The following BMPR1B variants were observed in gnomAD, a reference collection of about 807,000 sequenced individuals.
BMPR1B encodes bone morphogenetic protein receptor type-1B.
Under a neutral mutation model 59.1 loss-of-function variants are expected in BMPR1B, and 12 were observed. The ratio of observed to expected loss-of-function variants is 0.20; its 90% CI spans 0.13 to 0.33. The LOEUF is 0.33. BMPR1B is among the 10% of genes least tolerant of loss of function. The probability of loss-of-function intolerance (pLI) is 1.00; values close to 1 mark genes in which losing one functional copy is unlikely to be tolerated. For missense variants in BMPR1B, 550 were observed against 610.9 expected (o/e 0.90, Z 1.05); for synonymous variants, 237 against 207.3 (o/e 1.14, Z -1.23).
intron 2 of BMPR1B, among the ~76,000 whole-genome samples, chr4:94,940,134 A>G (rs1269942913): frequency 6.6e-6 from 1 of 152,192 alleles, no homozygotes; most frequent in Non-Finnish European, 1.5e-5. Flanking sequence ...ATACAGTTAG[A>G]GTTTGGGTGT....
chr4:94,878,453 G>A (rs1289804270), intron 2 of BMPR1B, among the ~76,000 whole-genome samples: 2 of 152,144 alleles, frequency 1.3e-5, no homozygotes, highest in Non-Finnish European at 2.9e-5. Context: ...AAGTGAATTG[G>A]TCATTTCAAA....
At chr4:95,018,246 T>C (rs1172668191) in intron 3 of BMPR1B, among the ~76,000 whole-genome samples, 2 of 152,242 alleles carry the variant, frequency 1.3e-5, no homozygotes, top group Non-Finnish European at 2.9e-5. Flanking sequence ...GAAGTAATTT[T>C]AGGTATCCAG....
At chr4:94,860,826 T>A (rs184872342) in intron 1 of BMPR1B, among the ~76,000 whole-genome samples, 9,331 of 150,412 alleles carry the variant, frequency 0.062, 708 homozygotes, top group African/African-American at 0.19. Flanking sequence ...ATGTCTTTTA[T>A]ATGTTGGCTT....
At chr4:95,146,117 C>T (rs1734623974) in intron 10 of BMPR1B, among the ~76,000 whole-genome samples, 1 of 152,142 alleles carries the variant, frequency 6.6e-6, no homozygotes. Flanking sequence ...AGTTGATAGT[C>T]TTCAGTTGGA....
chr4:95,049,455 T>A (rs1202044160), intron 3 of BMPR1B, among the ~76,000 whole-genome samples: 1 of 59,002 alleles, frequency 1.7e-5, no homozygotes, highest in Non-Finnish European at 4.0e-5. Context: ...TTTTTTTTTT[T>A]TTTTTTTTTT....
chr4:94,913,633 T>A (rs911076950), intron 2 of BMPR1B, among the ~76,000 whole-genome samples: 3 of 151,726 alleles, frequency 2.0e-5, no homozygotes, highest in Admixed American at 2.0e-4. Context: ...TGCTTATTCT[T>A]ACTAATTAAT....
intron 3 of BMPR1B, among the ~76,000 whole-genome samples, chr4:95,009,419 A>T (rs535737627): frequency 3.1e-4 from 47 of 152,332 alleles, no homozygotes; most frequent in African/African-American, 1.0e-3. Flanking sequence ...AAAATATTTT[A>T]TACAGTGGAA....
At chr4:94,773,044 A>C (rs544484756) in intron 1 of BMPR1B, among the ~76,000 whole-genome samples, 1 of 152,130 alleles carries the variant, frequency 6.6e-6, no homozygotes, top group Non-Finnish European at 1.5e-5. Context: ...GTAATTTTTC[A>C]TCACAGTAAT....
intron 2 of BMPR1B, among the ~76,000 whole-genome samples, chr4:94,919,203 C>A (rs191716582): frequency 1.3e-5 from 2 of 152,158 alleles, no homozygotes; most frequent in African/African-American, 4.8e-5. Flanking sequence ...GTCATCCATA[C>A]GCAGACGTGC....
At position 94,850,712 on chromosome 4, in the gene BMPR1B, C is replaced by G. The variant is rs1400228958; in HGVS notation, c.-182-25119C>G. Among the ~76,000 whole-genome samples, 4 of 152,172 alleles carry G rather than the reference C, an allele frequency of 2.6e-5. No individual in the cohort carries two copies. In the East Asian group the frequency reaches 7.7e-4, roughly 29 times the overall value. On this transcript the variant is annotated intron_variant, in intron 1 of 12. Coordinates refer to ENST00000515059, the MANE Select transcript of BMPR1B (RefSeq NM_001203.3). The stretch of plus-strand genomic sequence containing the variant: ...CAGTGGTACCTCTGAGTGTACCGCT[C>G]TTGTCCAAGGCTGGATCCTACTACC...
At chr4:94,849,187 G>A (rs975489749) in intron 1 of BMPR1B, among the ~76,000 whole-genome samples, 1 of 152,198 alleles carries the variant, frequency 6.6e-6, no homozygotes, top group Non-Finnish European at 1.5e-5. Context: ...GGTAATAAAT[G>A]AGCAAAGGAG....
At chr4:94,807,736 G>A (rs965954913) in intron 1 of BMPR1B, among the ~76,000 whole-genome samples, 1 of 152,178 alleles carries the variant, frequency 6.6e-6, no homozygotes, top group East Asian at 1.9e-4. Context: ...CCAGGCTGGA[G>A]TGCAGTGGCA....
chr4:94,961,787 T>C (rs1730363897), intron 2 of BMPR1B, among the ~76,000 whole-genome samples: 1 of 152,234 alleles, frequency 6.6e-6, no homozygotes, highest in Admixed American at 6.5e-5. Context: ...TTATTTAACG[T>C]ACTTTAAAAC....
chr4:94,789,282 G>A (rs1483079590), intron 1 of BMPR1B, among the ~76,000 whole-genome samples: 3 of 152,174 alleles, frequency 2.0e-5, no homozygotes, highest in Non-Finnish European at 2.9e-5. Flanking sequence ...AACGCTGAAC[G>A]ACTGTGGAAT....
At position 94,882,128 on chromosome 4, in the gene BMPR1B, GT is replaced by G. The variant is rs1017550631; in HGVS notation, c.-113+6235del. Reference sequence around the variant, plus strand: ...TTCCTATGCTACTGTCCCCCTCACTGTTTTTTTCTTTTTTTTTCCATGGAAG... The same window carrying G: ...TTCCTATGCTACTGTCCCCCTCACTGTTTTTTCTTTTTTTTTCCATGGAAG... On this transcript the variant is annotated intron_variant, in intron 2 of 12. Transcript: ENST00000515059. 2.0e-5 allele frequency among the ~76,000 whole-genome samples: 3 copies of G among 151,994 alleles called. No individual in the cohort carries two copies. In the East Asian group the frequency reaches 5.8e-4, roughly 29 times the overall value.
At chr4:94,782,261 A>G (rs1483818412) in intron 1 of BMPR1B, among the ~76,000 whole-genome samples, 1 of 152,022 alleles carries the variant, frequency 6.6e-6, no homozygotes, top group African/African-American at 2.4e-5. Flanking sequence ...GTCAGTTGAA[A>G]GATACAGATA....
At chr4:94,945,728 C>T (rs752118723) in intron 2 of BMPR1B, among the ~76,000 whole-genome samples, 1 of 152,256 alleles carries the variant, frequency 6.6e-6, no homozygotes, top group Non-Finnish European at 1.5e-5. Flanking sequence ...AGCCACCACA[C>T]CTCACTGAGT....
chr4:94,801,507 A>G (rs969549854), intron 1 of BMPR1B, among the ~76,000 whole-genome samples: 5 of 152,214 alleles, frequency 3.3e-5, no homozygotes, highest in Admixed American at 3.3e-4. Context: ...AGATTCCATC[A>G]CTTATCACAC....
At chr4:94,987,886 T>G (rs537595322) in intron 2 of BMPR1B, among the ~76,000 whole-genome samples, 113 of 152,298 alleles carry the variant, frequency 7.4e-4, no homozygotes, top group African/African-American at 2.7e-3. Flanking sequence ...CAGCTACACC[T>G]TTATAATGAA....
Sources: gnomAD v4.1 joint callset for allele counts (sites outside exome capture counted in the v4.1 genomes callset) on GRCh38, gnomAD v4.1.1 for gene constraint, MANE v1.5 for transcripts, NCBI Gene and HGNC (gene_info 2026-07-23, HGNC 2026-07-21) for gene names.